PCGF3: variants seen among roughly 807,000 people sequenced by gnomAD.
PCGF3 encodes the protein polycomb group ring finger 3.
In PCGF3, 7 loss-of-function variants were observed where a neutral mutation model predicts 33.1. The ratio of observed to expected loss-of-function variants is 0.21; its 90% CI spans 0.12 to 0.40. PCGF3 has a LOEUF of 0.40. Ranked by LOEUF, PCGF3 falls within the 10% of genes least tolerant of loss-of-function variation. The pLI is 1.00. For missense variants in PCGF3, 211 were observed against 313.3 expected, an observed-to-expected ratio of 0.67 and a Z score of 2.46; for synonymous variants, 153 against 121.3, an observed-to-expected ratio of 1.26 and a Z score of -1.72.
chr4:744,494 C>A, intron 7 of PCGF3, 106 bp from the exon 8 acceptor site: 2 of 838,302 alleles, frequency 2.4e-6, no homozygotes, highest in Non-Finnish European at 3.9e-6. Flanking sequence ...GGTCCAGAGT[C>A]TCTTAATGGA....
chr4:761,225 G>A (rs1026682889), intron 8 of PCGF3, 54 bp from the exon 9 acceptor site: 2 of 1,485,046 alleles, frequency 1.3e-6, no homozygotes, highest in Non-Finnish European at 1.8e-6. Flanking sequence ...GAAGCCTCCA[G>A]AACCGTCCGG....
exon 11 of PCGF3, chr4:768,382 CCTTT>C (rs1308453458): frequency 2.6e-5 from 4 of 152,254 alleles, no homozygotes; most frequent in East Asian, 3.8e-4. Context: ...GGCCTTCTTT[CCTTT>C]CTGTCAACCT....
intron 6 of PCGF3, among the ~76,000 whole-genome samples, chr4:742,807 G>A (rs1744151215): frequency 2.6e-5 from 4 of 152,166 alleles, no homozygotes; most frequent in Admixed American, 1.3e-4. Context: ...CAGACACCAG[G>A]GGGCGCTCTT....
At chr4:716,588 G>C (rs1292283639) in intron 1 of PCGF3, among the ~76,000 whole-genome samples, 5 of 131,074 alleles carry the variant, frequency 3.8e-5, no homozygotes, top group African/African-American at 5.9e-5. Flanking sequence ...CTGGGACCCT[G>C]TAGACACTGA....
intron 9 of PCGF3, chr4:762,898 A>T (rs6838241): frequency 6.6e-6 from 1 of 152,010 alleles, no homozygotes; most frequent in Non-Finnish European, 1.5e-5. Context: ...TGCAGAGAAA[A>T]GGAAGGGGTC....
chr4:722,637 G>GCGTCATCGCCATCCA (rs1743140025), intron 1 of PCGF3, among the ~76,000 whole-genome samples: 1 of 98,928 alleles, frequency 1.0e-5, no homozygotes, highest in Non-Finnish European at 1.9e-5. Context: ...ATCGCCGTCC[G>GCGTCATCGCCATCCA]CGCCGGGTCC....
At chr4:715,983 G>A (rs1211226832) in intron 1 of PCGF3, among the ~76,000 whole-genome samples, 518 of 101,570 alleles carry the variant, frequency 5.1e-3, no homozygotes, top group Non-Finnish European at 7.4e-3. Flanking sequence ...AAGACACTGA[G>A]TGTGAGAACT....
At chr4:726,891 C>T (rs1186659953) in intron 1 of PCGF3, among the ~76,000 whole-genome samples, 3 of 152,362 alleles carry the variant, frequency 2.0e-5, no homozygotes, top group East Asian at 1.9e-4. Flanking sequence ...GCTCGGTCCC[C>T]GCAGGCCTCC....
At chr4:722,884 T>A (rs112398200) in intron 1 of PCGF3, among the ~76,000 whole-genome samples, 33 of 75,864 alleles carry the variant, frequency 4.3e-4, no homozygotes, top group African/African-American at 1.7e-3. Context: ...CACACTCGCG[T>A]CATCGCCATC....
At chr4:751,256 G>A (rs905324522) in intron 8 of PCGF3, among the ~76,000 whole-genome samples, 9 of 152,178 alleles carry the variant, frequency 5.9e-5, no homozygotes, top group African/African-American at 2.2e-4. Flanking sequence ...GAAGTCATCC[G>A]AGGGTTTGTT....
exon 11 of PCGF3, chr4:766,119 CT>C: frequency 6.3e-7 from 1 of 1,588,294 alleles, no homozygotes; most frequent in South Asian, 1.1e-5. Context: ...CCCTCGCACC[CT>C]TGGGTGCTCC....
intron 6 of PCGF3, among the ~76,000 whole-genome samples, chr4:738,020 G>A (rs986992147): frequency 1.4e-4 from 21 of 152,320 alleles, no homozygotes; most frequent in African/African-American, 4.8e-4. Flanking sequence ...GGTTGCTTGG[G>A]GATCGCTCAG....
At chr4:727,850 T>C (rs1743394495) in intron 1 of PCGF3, among the ~76,000 whole-genome samples, 1 of 152,164 alleles carries the variant, frequency 6.6e-6, no homozygotes, top group South Asian at 2.1e-4. Context: ...AGGCTCATAG[T>C]GTGAGTTGGA....
At position 733,656 on chromosome 4, in the gene PCGF3, G is replaced by A. The variant is rs371520458; in HGVS notation, c.-9-16G>A. 147 of 1,590,922 alleles carry A rather than the reference G, an allele frequency of 9.2e-5. 1 individual carries two copies. Among genetic ancestry groups the A allele is most frequent in the Non-Finnish European group, 3.3e-5 (39 of 1,174,154 alleles). ...GAAGAGTTTCAGGTGTTAATTAATC[G>A]CGTTTTCTCTTGTAGAAGCCAAAGA... is the stretch of plus-strand genomic sequence containing the variant. On this transcript the variant is annotated splice_polypyrimidine_tract_variant and intron_variant, in intron 3 of 10. Transcript: ENST00000362003.
intron 1 of PCGF3, among the ~76,000 whole-genome samples, chr4:728,337 CTG>C (rs1743412526): frequency 2.0e-5 from 3 of 151,496 alleles, no homozygotes; most frequent in South Asian, 2.1e-4. Context: ...CGTAAGTAAT[CTG>C]GGGATGGCGT....
At chr4:727,722 T>C (rs530083383) in intron 1 of PCGF3, among the ~76,000 whole-genome samples, 15 of 151,666 alleles carry the variant, frequency 9.9e-5, no homozygotes, top group South Asian at 6.2e-4. Flanking sequence ...TGATTATCTT[T>C]TTGTATATTG....
At chr4:708,563 C>T (rs1279713071) in intron 1 of PCGF3, among the ~76,000 whole-genome samples, 1 of 152,148 alleles carries the variant, frequency 6.6e-6, no homozygotes, top group African/African-American at 2.4e-5. Flanking sequence ...GCAGGGGCCT[C>T]AGGGTTCCAG....
At chr4:727,233 CTTTTTT>C (rs57690550) in intron 1 of PCGF3, among the ~76,000 whole-genome samples, 3,804 of 61,960 alleles carry the variant, frequency 0.061, 83 homozygotes, top group Middle Eastern at 0.17. Context: ...TAGCGAGCGT[CTTTTTT>C]TTTTTTTTTT....
chr4:721,520 C>T lies in PCGF3; in HGVS notation c.-189-9110C>T, dbSNP rs192457188. ...GTGGAGAGCGGAAGAGAGAGGGAGT[C>T]GGTGCCTTAGGAGGCTGCGGGCGAG... On this transcript the variant is annotated intron_variant, in intron 1 of 10. Transcript: ENST00000362003. The surrounding 1 kb of genome is among the most constrained non-coding windows in gnomAD (Gnocchi z 4.1). 1.2e-4 allele frequency among the ~76,000 whole-genome samples: 19 copies of T among 152,094 alleles called. 1 individual carries two copies. In the East Asian group the frequency reaches 1.6e-3, roughly 12 times the overall value.
Sources: gnomAD v4.1 joint callset for allele counts (sites outside exome capture counted in the v4.1 genomes callset) on GRCh38, gnomAD v4.1.1 for gene constraint, Gnocchi (gnomAD v3.1) non-coding constraint, MANE v1.5 for transcripts, NCBI Gene and HGNC (gene_info 2026-07-23, HGNC 2026-07-21) for gene names.